The following TPD52L2 variants were observed in gnomAD, a reference collection of about 807,000 sequenced individuals.
TPD52L2 encodes TPD52 like 2.
TPD52L2 carries 19 observed loss-of-function variants against 24.7 expected under a neutral mutation model. The observed-to-expected ratio is 0.77, with a 90% confidence interval of 0.54 to 1.13. TPD52L2 has a LOEUF of 1.13. Ranked by LOEUF, TPD52L2 falls within the 50% of genes most tolerant of loss-of-function variation. The probability of loss-of-function intolerance (pLI) is 0.00; values close to 1 mark genes in which losing one functional copy is unlikely to be tolerated. For synonymous variants in TPD52L2, 104 were observed against 100.2 expected (o/e 1.04, Z -0.23); for missense variants, 236 against 250.4 (o/e 0.94, Z 0.39).
chr20:63,890,037 G>C lies in TPD52L2; in HGVS notation c.*92G>C, dbSNP rs771373899. ...GTTCAGCGGAGCAGCCAGCCAGGGCGGATGAGCAGAGCCGGCCCTGAGGAC... is the reference window on the plus strand; with the variant it reads ...GTTCAGCGGAGCAGCCAGCCAGGGCCGATGAGCAGAGCCGGCCCTGAGGAC... On this transcript the variant is annotated 3_prime_UTR_variant, in exon 7 of 7. Transcript: ENST00000346249. The C allele has an allele frequency of 1.9e-6, 3 of 1,578,512 alleles. No individual in the cohort carries two copies. The African/African-American group carries it at 4.0e-5, about 21-fold the overall frequency.
chr20:63,880,100 A>G (rs2052836736), intron 4 of TPD52L2, among the ~76,000 whole-genome samples: 1 of 25,758 alleles, frequency 3.9e-5, no homozygotes, highest in African/African-American at 2.0e-4. Context: ...CCCACTCTTT[A>G]GGCACAAATG....
chr20:63,870,820 C>T (rs571007396), intron 2 of TPD52L2, among the ~76,000 whole-genome samples: 10 of 149,574 alleles, frequency 6.7e-5, no homozygotes, highest in East Asian at 2.0e-4. Flanking sequence ...CAGGTTCAAG[C>T]GATTCTCCTG....
chr20:63,882,528 G>A (rs1172856212), intron 4 of TPD52L2, among the ~76,000 whole-genome samples, 191 bp from the exon 5 acceptor site: 2 of 152,248 alleles, frequency 1.3e-5, no homozygotes, highest in African/African-American at 4.8e-5. Flanking sequence ...GCGGCTCCTC[G>A]CCGCAGGGGC....
At chr20:63,870,520 GTTTTTTTTT>G (rs959786861) in intron 2 of TPD52L2, among the ~76,000 whole-genome samples, 1 of 94,524 alleles carries the variant, frequency 1.1e-5, no homozygotes, top group Admixed American at 1.4e-4. Context: ...ATAAGGTGAA[GTTTTTTTTT>G]TTTTTTTTTT....
intron 5 of TPD52L2, chr20:63,887,606 G>A: frequency 6.2e-7 from 1 of 1,613,228 alleles, no homozygotes; most frequent in East Asian, 2.2e-5. Context: ...CAGCCATGAG[G>A]TAATGTATGC....
In TPD52L2 at chr20:63,877,966, G is replaced by A. The variant is rs915167975; in HGVS notation, c.374+2091G>A. On this transcript the variant is annotated intron_variant, in intron 4 of 6. Transcript: ENST00000346249. The surrounding 1 kb of genome is among the most constrained non-coding windows in gnomAD (Gnocchi z 4.1). ...GGCGATGGTTTCTGCCGGGACGGCC[G>A]AGGCCGAGGGCGGTGGTTTCTGCCG... 6.6e-6 allele frequency among the ~76,000 whole-genome samples: 1 copy of A among 151,942 alleles called. No individual in the cohort carries two copies. Among genetic ancestry groups the A allele is most frequent in the African/African-American group, 2.4e-5 (1 of 41,408 alleles).
At chr20:63,868,895 C>G (rs1175001207) in intron 1 of TPD52L2, among the ~76,000 whole-genome samples, 1 of 152,036 alleles carries the variant, frequency 6.6e-6, no homozygotes, top group Non-Finnish European at 1.5e-5. Flanking sequence ...GAGCTGAGAT[C>G]GCACCATTGC....
At chr20:63,867,844 G>C (rs1427716427) in intron 1 of TPD52L2, among the ~76,000 whole-genome samples, 1 of 149,564 alleles carries the variant, frequency 6.7e-6, no homozygotes, top group African/African-American at 2.5e-5. Context: ...CACCATATTG[G>C]CCAGGCTGGT....
chr20:63,889,979 G>C lies in TPD52L2; in HGVS notation c.*34G>C. 6.2e-7 allele frequency: 1 copy of C among 1,612,242 alleles called. No homozygotes were observed. Among genetic ancestry groups the C allele is most frequent in the Non-Finnish European group, 8.5e-7 (1 of 1,179,716 alleles). ...TTGCTTCACCCGCTGCAGAGCACAC[G>C]CAACCCAGCCTCAGCATCACAGCCG... is the stretch of plus-strand genomic sequence containing the variant. On this transcript the variant is annotated 3_prime_UTR_variant, in exon 7 of 7. Coordinates refer to ENST00000346249, the MANE Select transcript of TPD52L2 (RefSeq NM_003288.4).
chr20:63,887,862 G>A, intron 5 of TPD52L2: 1 of 557,482 alleles, frequency 1.8e-6, no homozygotes. Context: ...TCCTTTCCAA[G>A]TCCTGACCCT....
chr20:63,867,789 TG>T (rs1331110808), intron 1 of TPD52L2, among the ~76,000 whole-genome samples: 12 of 150,674 alleles, frequency 8.0e-5, no homozygotes, highest in African/African-American at 2.7e-4. Flanking sequence ...TCTTTTCTTT[TG>T]TTTTTTTTTT....
intron 4 of TPD52L2, among the ~76,000 whole-genome samples, chr20:63,881,259 G>T (rs938198754): frequency 1.3e-5 from 2 of 152,150 alleles, no homozygotes; most frequent in Non-Finnish European, 2.9e-5. Flanking sequence ...TACTTGGGAC[G>T]CTGAGGCAGG....
intron 5 of TPD52L2, among the ~76,000 whole-genome samples, chr20:63,883,310 C>A (rs2052967916): frequency 6.6e-6 from 1 of 152,182 alleles, no homozygotes; most frequent in South Asian, 2.1e-4. Context: ...AGCCTCCTGG[C>A]CATCAGAGGT....
chr20:63,870,803 C>T (rs1300243678), intron 2 of TPD52L2, among the ~76,000 whole-genome samples: 4 of 148,446 alleles, frequency 2.7e-5, no homozygotes, highest in Admixed American at 6.7e-5. Context: ...CTGCAATCTC[C>T]GCCTCCCAGG....
chr20:63,865,609 C>G (rs959354927), intron 1 of TPD52L2, among the ~76,000 whole-genome samples: 2 of 152,240 alleles, frequency 1.3e-5, no homozygotes, highest in African/African-American at 4.8e-5. Context: ...AGCCGCCCTC[C>G]TGGTCTCCCC....
At chr20:63,865,507 C>T in intron 1 of TPD52L2, 123 bp downstream of exon 1, 1 of 1,293,898 alleles carries the variant, frequency 7.7e-7, no homozygotes, top group Non-Finnish European at 1.0e-6. Context: ...CCCGCGGCCC[C>T]TCTTCAGCTC....
chr20:63,876,706 G>A, intron 4 of TPD52L2: 1 of 454,376 alleles, frequency 2.2e-6, no homozygotes, highest in Non-Finnish European at 4.4e-6. Context: ...TGTCTTGAAG[G>A]TCCTGGGGGA....
chr20:63,873,166 T>C (rs533041839), intron 2 of TPD52L2, among the ~76,000 whole-genome samples: 2 of 152,134 alleles, frequency 1.3e-5, no homozygotes, highest in South Asian at 4.1e-4. Context: ...GATAGTTCCC[T>C]GGAGTCAAGT....
At position 63,884,414 on chromosome 20, in the gene TPD52L2, A is replaced by G. The variant is rs147147332; in HGVS notation, c.476+1594A>G. Among the ~76,000 whole-genome samples, 639 of 152,286 alleles carry G rather than the reference A, an allele frequency of 4.2e-3. 19 individuals are homozygous for G. Among genetic ancestry groups the G allele is most frequent in the Admixed American group, 0.036 (553 of 15,308 alleles). On this transcript the variant is annotated intron_variant, in intron 5 of 6. Coordinates refer to ENST00000346249, the MANE Select transcript of TPD52L2 (RefSeq NM_003288.4). Reference sequence around the variant, plus strand: ...CATCAGGAGGCGTTTGCCCACTCTTAGTGTCCACACTCCCTTTTGAGTTTG... The same window carrying G: ...CATCAGGAGGCGTTTGCCCACTCTTGGTGTCCACACTCCCTTTTGAGTTTG...
Sources: allele counts gnomAD v4.1 joint callset (sites outside exome capture counted in the v4.1 genomes callset), GRCh38; gene constraint gnomAD v4.1.1; non-coding constraint Gnocchi (gnomAD v3.1); transcripts MANE v1.5; gene names NCBI Gene and HGNC (gene_info 2026-07-23, HGNC 2026-07-21).